Variants in ADAMTSL1 observed in about 807,000 individuals in gnomAD.
ADAMTSL1 encodes ADAMTS like 1.
Under a neutral mutation model 201.8 loss-of-function variants are expected in ADAMTSL1, and 126 were observed. The observed-to-expected ratio is 0.62, with a 90% CI of 0.54 to 0.72. The LOEUF is 0.72. Ranked by LOEUF, ADAMTSL1 falls within the 30% of genes least tolerant of loss-of-function variation. ADAMTSL1 has a pLI of 0.00. For missense variants in ADAMTSL1, 2,679 were observed against 2,277.8 expected (o/e 1.18, Z -3.59); for synonymous variants, 1,121 against 903.4 (o/e 1.24, Z -4.32).
At chr9:17,934,127 A>G (rs901919937) in intron 1 of ADAMTSL1, among the ~76,000 whole-genome samples, 1 of 152,178 alleles carries the variant, frequency 6.6e-6, no homozygotes, top group African/African-American at 2.4e-5. Context: ...ACAAGGCACT[A>G]TCACCATTGA....
At chr9:18,254,778 G>C (rs1831618166) in intron 2 of ADAMTSL1, among the ~76,000 whole-genome samples, 1 of 151,480 alleles carries the variant, frequency 6.6e-6, no homozygotes, top group Non-Finnish European at 1.5e-5. Context: ...CAGTTGGTAT[G>C]TATAAAGTTA....
intron 25 of ADAMTSL1, among the ~76,000 whole-genome samples, chr9:18,889,964 C>G (rs1439751993): frequency 6.6e-6 from 1 of 152,086 alleles, no homozygotes; most frequent in Admixed American, 6.6e-5. Context: ...ATTCCTCACC[C>G]CACTAATGGC....
chr9:17,997,002 C>G (rs1819407926), intron 1 of ADAMTSL1, among the ~76,000 whole-genome samples: 1 of 152,112 alleles, frequency 6.6e-6, no homozygotes, highest in Non-Finnish European at 1.5e-5. Flanking sequence ...AGATAAGAAC[C>G]TACGTAAGCT....
chr9:18,024,481 T>G (rs1039824359), intron 1 of ADAMTSL1, among the ~76,000 whole-genome samples: 1 of 152,084 alleles, frequency 6.6e-6, no homozygotes, highest in African/African-American at 2.4e-5. Flanking sequence ...GTGAATTCAA[T>G]GTTTAGTTCC....
intron 1 of ADAMTSL1, among the ~76,000 whole-genome samples, chr9:18,131,293 G>C (rs933327588): frequency 6.6e-6 from 1 of 152,086 alleles, no homozygotes; most frequent in East Asian, 1.9e-4. Context: ...CTGAGAACAA[G>C]ACCCAAAATT....
At chr9:18,836,020 C>T (rs538378474) in intron 23 of ADAMTSL1, among the ~76,000 whole-genome samples, 1 of 152,266 alleles carries the variant, frequency 6.6e-6, no homozygotes, top group East Asian at 1.9e-4. Context: ...GAATACATAT[C>T]CAGTAATGGG....
At chr9:18,899,721 A>G (rs906715903) in intron 26 of ADAMTSL1, among the ~76,000 whole-genome samples, 1 of 152,234 alleles carries the variant, frequency 6.6e-6, no homozygotes, top group African/African-American at 2.4e-5. Context: ...TGGTGCTTGG[A>G]TAACTGGCTA....
chr9:18,379,542 T>C (rs1039306023), intron 2 of ADAMTSL1, among the ~76,000 whole-genome samples: 3 of 152,182 alleles, frequency 2.0e-5, no homozygotes, highest in Non-Finnish European at 4.4e-5. Flanking sequence ...ATTAGATCTG[T>C]AACTAAATTT....
chr9:17,957,266 T>C (rs1018275904), intron 1 of ADAMTSL1, among the ~76,000 whole-genome samples: 4 of 152,158 alleles, frequency 2.6e-5, no homozygotes, highest in South Asian at 2.1e-4. Flanking sequence ...GAAGAGCCCA[T>C]TGGAGTTGAC....
intron 15 of ADAMTSL1, among the ~76,000 whole-genome samples, chr9:18,742,168 A>G (rs1389774981): frequency 6.6e-6 from 1 of 152,170 alleles, no homozygotes; most frequent in Admixed American, 6.5e-5. Flanking sequence ...TAAAGGCCCT[A>G]TTTCTAAATA....
intron 2 of ADAMTSL1, among the ~76,000 whole-genome samples, chr9:18,444,309 G>A (rs1323456322): frequency 1.3e-5 from 2 of 152,102 alleles, no homozygotes; most frequent in East Asian, 3.8e-4. Context: ...GATCTTTTGA[G>A]CTAATGGGTA....
intron 2 of ADAMTSL1, among the ~76,000 whole-genome samples, chr9:18,406,376 T>A (rs972375791): frequency 1.3e-5 from 2 of 151,448 alleles, no homozygotes; most frequent in Non-Finnish European, 2.9e-5. Context: ...TCGCCCAGGC[T>A]GGAGTGCGGT....
At chr9:17,992,414 T>C (rs1205503070) in intron 1 of ADAMTSL1, among the ~76,000 whole-genome samples, 1 of 152,184 alleles carries the variant, frequency 6.6e-6, no homozygotes. Context: ...TTTAAAATAA[T>C]TTTTAAAATT....
chr9:17,963,476 A>C (rs1364735068), intron 1 of ADAMTSL1, among the ~76,000 whole-genome samples: 1 of 152,170 alleles, frequency 6.6e-6, no homozygotes, highest in Admixed American at 6.5e-5. Context: ...ATTTGGCAGC[A>C]GGATTGTTCA....
intron 15 of ADAMTSL1, among the ~76,000 whole-genome samples, chr9:18,734,296 CTG>C (rs1173997449): frequency 2.6e-5 from 4 of 152,146 alleles, no homozygotes; most frequent in African/African-American, 9.7e-5. Context: ...TGTAGGTGAT[CTG>C]TGTGTACTTT....
chr9:18,898,433 A>G (rs1462583532), intron 26 of ADAMTSL1, among the ~76,000 whole-genome samples: 2 of 152,234 alleles, frequency 1.3e-5, no homozygotes, highest in African/African-American at 4.8e-5. Flanking sequence ...CTTGATGACT[A>G]TCTTTCTGAA....
chr9:18,756,813 G>A (rs1002012488), intron 16 of ADAMTSL1, among the ~76,000 whole-genome samples: 6 of 151,984 alleles, frequency 3.9e-5, no homozygotes, highest in African/African-American at 1.5e-4. Context: ...TCTCCTCTCT[G>A]TGTGAACACA....
In ADAMTSL1 at chr9:18,709,651, C is replaced by T. The variant is rs1207394999; in HGVS notation, c.1876+2603C>T. Among the ~76,000 whole-genome samples, 5 of 152,162 alleles carry T rather than the reference C, an allele frequency of 3.3e-5. 1 individual carries two copies. The highest frequency in any genetic ancestry group is 3.3e-4 in the Admixed American group (5 of 15,268). On this transcript the variant is annotated intron_variant, in intron 14 of 28. Coordinates refer to ENST00000380548, the MANE Select transcript of ADAMTSL1 (RefSeq NM_001040272.6). ...CTGAAAATCCCATTTTCTGGAAGATCGAACGCAAGCCTAACCTGCTCAGAT... is the reference window on the plus strand; with the variant it reads ...CTGAAAATCCCATTTTCTGGAAGATTGAACGCAAGCCTAACCTGCTCAGAT...
At chr9:18,575,280 G>C (rs1587612730) in intron 4 of ADAMTSL1, among the ~76,000 whole-genome samples, 1 of 152,140 alleles carries the variant, frequency 6.6e-6, no homozygotes, top group Non-Finnish European at 1.5e-5. Context: ...ATGCAAGAGG[G>C]AAACAAACAT....
Sources: gnomAD v4.1 joint callset for allele counts (sites outside exome capture counted in the v4.1 genomes callset) on GRCh38, gnomAD v4.1.1 for gene constraint, MANE v1.5 for transcripts, NCBI Gene and HGNC (gene_info 2026-07-23, HGNC 2026-07-21) for gene names.